Variants in BRWD3 observed in about 807,000 individuals in gnomAD.
The protein encoded by BRWD3 is bromodomain and WD repeat-containing protein 3.
In BRWD3, 10 loss-of-function variants were observed where a neutral mutation model predicts 149.7. That is an observed-to-expected ratio of 0.07 (90% CI 0.04 to 0.11). The LOEUF (loss-of-function observed/expected upper bound fraction) is 0.11, where lower values mean the gene tolerates loss of function less well. Ranked by LOEUF, BRWD3 falls within the 10% of genes least tolerant of loss-of-function variation. The probability of loss-of-function intolerance (pLI) is 1.00; values close to 1 mark genes in which losing one functional copy is unlikely to be tolerated. For synonymous variants in BRWD3, 504 were observed against 456.7 expected, an observed-to-expected ratio of 1.10 and a Z score of -1.32; for missense variants, 940 against 1,373.2, an observed-to-expected ratio of 0.68 and a Z score of 4.99.
intron 6 of BRWD3, among the ~76,000 whole-genome samples, chrX:80,770,223 A>C (rs748449195): frequency 8.9e-6 from 1 of 111,908 alleles, no homozygotes; most frequent in East Asian, 2.8e-4. Context: ...TCAATAGAAA[A>C]AGAGGGAAAC....
chrX:80,719,366 A>T (rs1250365294), intron 18 of BRWD3, 123 bp downstream of exon 18: 1 of 621,921 alleles, frequency 1.6e-6, no homozygotes, highest in African/African-American at 2.3e-5. Context: ...CTGATATCAA[A>T]ATTGTAAATT....
At position 80,695,577 on chromosome X, in the gene BRWD3, G is replaced by A. The variant is rs1449664726; in HGVS notation, c.3151+331C>T. 2.7e-5 allele frequency among the ~76,000 whole-genome samples: 3 copies of A among 111,243 alleles called. No individual in the cohort carries two copies. In the East Asian group the frequency reaches 8.4e-4, roughly 31 times the overall value. On this transcript the variant is annotated intron_variant, in intron 27 of 40. Coordinates refer to ENST00000373275, the MANE Select transcript of BRWD3 (RefSeq NM_153252.5). ...GGGAGGGAAACAAGGATGGAGGAAG[G>A]AAAAAAGGAAACAAATCACAATCAG...
chrX:80,778,608 A>G (rs1482075659), intron 6 of BRWD3, among the ~76,000 whole-genome samples: 1 of 112,837 alleles, frequency 8.9e-6, no homozygotes, highest in Non-Finnish European at 1.9e-5. Flanking sequence ...AGAGTTTTTC[A>G]GAAAACAAGC....
intron 12 of BRWD3, chrX:80,733,221 G>A (rs1415583732): frequency 3.1e-5 from 10 of 317,470 alleles, no homozygotes; most frequent in African/African-American, 2.0e-4. Flanking sequence ...AACAGAAATA[G>A]AGCAAAATAA....
chrX:80,752,280 T>C (rs2073679439), intron 6 of BRWD3, among the ~76,000 whole-genome samples: 1 of 111,033 alleles, frequency 9.0e-6, no homozygotes, highest in Admixed American at 9.6e-5. Context: ...TTCCAAAGCA[T>C]TTTCTTTATC....
intron 6 of BRWD3, among the ~76,000 whole-genome samples, chrX:80,777,515 C>G (rs1451219462): frequency 9.0e-6 from 1 of 110,892 alleles, no homozygotes; most frequent in African/African-American, 3.3e-5. Context: ...GCCTCAGACT[C>G]CTAAGTAGCT....
At chrX:80,714,219 C>CTTTTTTTTT (rs987098536) in intron 20 of BRWD3, among the ~76,000 whole-genome samples, 1 of 61,802 alleles carries the variant, frequency 1.6e-5, no homozygotes, top group Non-Finnish European at 2.8e-5. Flanking sequence ...AAACCTTCAT[C>CTTTTTTTTT]TTTTTTTTTT....
At chrX:80,745,474 G>A in intron 7 of BRWD3, 95 bp downstream of exon 7, 1 of 869,073 alleles carries the variant, frequency 1.2e-6, no homozygotes, top group Non-Finnish European at 1.6e-6. Context: ...TCCAAAAAAA[G>A]TGAACTGCTT....
At chrX:80,774,461 T>C (rs933065303) in intron 6 of BRWD3, among the ~76,000 whole-genome samples, 1 of 109,360 alleles carries the variant, frequency 9.1e-6, no homozygotes, top group African/African-American at 3.3e-5. Flanking sequence ...TCTATCCAGG[T>C]CTCTCTTCTC....
rs768204420 is a variant in BRWD3 at position 80,783,930 on chromosome X, G to A, written c.430+7924C>T. Among the ~76,000 whole-genome samples, 14 of 111,416 alleles carry A rather than the reference G, an allele frequency of 1.3e-4. No individual in the cohort carries two copies. The South Asian group carries it at 5.3e-3, about 42-fold the overall frequency. ...TGGTTACCAGAGGCTGGGAAGGATA[G>A]TGGGAAAGAGCGGGGAAGTGGGGAT... On this transcript the variant is annotated intron_variant, in intron 6 of 40. Coordinates refer to ENST00000373275, the MANE Select transcript of BRWD3 (RefSeq NM_153252.5).
At chrX:80,793,279 CATT>C (rs1467432358) in intron 5 of BRWD3, among the ~76,000 whole-genome samples, 2 of 106,505 alleles carry the variant, frequency 1.9e-5, no homozygotes, top group African/African-American at 6.8e-5. Flanking sequence ...AGTACAATAT[CATT>C]AGGATGACAT....
chrX:80,775,705 T>C (rs2073994062), intron 6 of BRWD3, among the ~76,000 whole-genome samples: 1 of 112,092 alleles, frequency 8.9e-6, no homozygotes. Flanking sequence ...GTTTGGATAT[T>C]AGAGTCCCAG....
At chrX:80,756,615 T>A (rs928645329) in intron 6 of BRWD3, among the ~76,000 whole-genome samples, 2 of 110,552 alleles carry the variant, frequency 1.8e-5, no homozygotes, top group African/African-American at 3.3e-5. Flanking sequence ...TACAGTAGCC[T>A]TTATTAGGAA....
intron 40 of BRWD3, among the ~76,000 whole-genome samples, chrX:80,679,622 G>A (rs1188559883): frequency 1.8e-5 from 2 of 111,271 alleles, no homozygotes; most frequent in Non-Finnish European, 1.9e-5. Flanking sequence ...GAGCAGTAGA[G>A]TCAAAGAGAA....
intron 6 of BRWD3, among the ~76,000 whole-genome samples, chrX:80,778,596 A>G (rs2074022590): frequency 8.9e-6 from 1 of 112,809 alleles, no homozygotes; most frequent in African/African-American, 3.2e-5. Context: ...CTTCAAATAC[A>G]AAGAGTTTTT....
intron 27 of BRWD3, among the ~76,000 whole-genome samples, chrX:80,694,191 C>T (rs748163835): frequency 1.8e-5 from 2 of 112,087 alleles, no homozygotes; most frequent in Non-Finnish European, 3.8e-5. Context: ...AGCCCCAAAC[C>T]TTGATGGCTT....
chrX:80,687,208 T>C (rs1247996285), intron 34 of BRWD3, among the ~76,000 whole-genome samples: 1 of 110,437 alleles, frequency 9.1e-6, no homozygotes, highest in Non-Finnish European at 1.9e-5. Flanking sequence ...AACCTAGACA[T>C]TATATTCATG....
intron 33 of BRWD3, among the ~76,000 whole-genome samples, chrX:80,689,189 T>C (rs2072577458): frequency 9.0e-6 from 1 of 111,368 alleles, no homozygotes; most frequent in African/African-American, 3.3e-5. Flanking sequence ...TTGGTTTTTG[T>C]TTCTATCATA....
In BRWD3 at chrX:80,690,032, A is replaced by G. The variant is rs1435414920; in HGVS notation, c.3663T>C (p.Asn1221=). The change falls in exon 32 of 41, where the codon AAT becomes AAC. Residue 1221 remains asparagine (N), a synonymous_variant. Transcript: ENST00000373275. ...CTTTAACTATAGGACTGTCTGGCTC[A>G]TTGAAAGTCCTGGCATTATGTTCAA... is the stretch of plus-strand genomic sequence containing the variant. ...RYIEHNARTF[N]EPDSPIVKAA... is the part of the protein sequence containing the mutation. The G allele has an allele frequency of 8.3e-7, 1 of 1,207,143 alleles. No individual in the cohort carries two copies. Among genetic ancestry groups the G allele is most frequent in the Admixed American group, 2.2e-5 (1 of 45,916 alleles).
Sources: allele counts gnomAD v4.1 joint callset (sites outside exome capture counted in the v4.1 genomes callset), GRCh38; gene constraint gnomAD v4.1.1; transcripts MANE v1.5; gene names NCBI Gene and HGNC (gene_info 2026-07-23, HGNC 2026-07-21).